The following AGAP1 variants were observed in gnomAD, a reference collection of about 807,000 sequenced individuals.
AGAP1 encodes the protein ArfGAP with GTPase domain, ankyrin repeat and PH domain 1.
In AGAP1, 29 loss-of-function variants were observed where a neutral mutation model predicts 105.3. That is an observed-to-expected ratio of 0.28 (90% CI 0.21 to 0.38). AGAP1 has a LOEUF of 0.38. Ranked by LOEUF, AGAP1 falls within the 10% of genes least tolerant of loss-of-function variation. The probability of loss-of-function intolerance (pLI) is 1.00; values close to 1 mark genes in which losing one functional copy is unlikely to be tolerated. For synonymous variants in AGAP1, 509 were observed against 485.9 expected, an observed-to-expected ratio of 1.05 and a Z score of -0.63; for missense variants, 998 against 1,165.1, an observed-to-expected ratio of 0.86 and a Z score of 2.09.
chr2:235,551,063 C>T lies in AGAP1; in HGVS notation c.163+56214C>T, dbSNP rs554916391. On this transcript the variant is annotated intron_variant, in intron 1 of 17. Coordinates refer to ENST00000304032, the MANE Select transcript of AGAP1 (RefSeq NM_001037131.3). This position sits in a 1 kb window ranked among gnomAD's most constrained non-coding sequence, Gnocchi z 4.8. ...TGCTGGGATTACAGGCGTGAGCCAC[C>T]GCGCTCGGCCATAGATAGTGTTTCT... Among the ~76,000 whole-genome samples the T allele has an allele frequency of 6.5e-4, 99 of 152,262 alleles. No homozygotes were observed. Among genetic ancestry groups the T allele is most frequent in the African/African-American group, 2.2e-3 (90 of 41,552 alleles).
chr2:235,565,173 ACGGC>A (rs1289791569), intron 1 of AGAP1, among the ~76,000 whole-genome samples: 1 of 147,116 alleles, frequency 6.8e-6, no homozygotes, highest in African/African-American at 2.5e-5. Context: ...ACCACCACCC[ACGGC>A]CAGGTGTGAG....
intron 1 of AGAP1, among the ~76,000 whole-genome samples, chr2:235,682,197 T>G (rs551487023): frequency 8.6e-5 from 13 of 151,408 alleles, no homozygotes; most frequent in Non-Finnish European, 1.2e-4. Context: ...ATCAGCACTG[T>G]TTTTTTTGTT....
rs765846747 is a variant in AGAP1, at chr2:235,517,222, A to G, written c.163+22373A>G. On this transcript the variant is annotated intron_variant, in intron 1 of 17. Transcript: ENST00000304032. The surrounding 1 kb of genome is among the most constrained non-coding windows in gnomAD (Gnocchi z 4.1). ...AGGAGGACACCAGTCTTGTTGGATG[A>G]GGGTCCCACCCTTAAGCTGCCATAT... Among the ~76,000 whole-genome samples the G allele has an allele frequency of 5.3e-5, 8 of 152,154 alleles. No individual in the cohort carries two copies. The highest frequency in any genetic ancestry group is 9.7e-5 in the African/African-American group (4 of 41,434).
At chr2:235,944,438 C>G (rs1366585074) in intron 12 of AGAP1, among the ~76,000 whole-genome samples, 1 of 152,224 alleles carries the variant, frequency 6.6e-6, no homozygotes, top group African/African-American at 2.4e-5. Context: ...ACTGGGTAAG[C>G]ATACGACTTA....
intron 8 of AGAP1, among the ~76,000 whole-genome samples, chr2:235,803,608 T>C (rs1957691617): frequency 6.6e-6 from 1 of 152,210 alleles, no homozygotes; most frequent in Admixed American, 6.5e-5. Context: ...AATTAAGTAA[T>C]GCATGTATCA....
At chr2:235,730,489 A>AAC (rs1395224197) in intron 3 of AGAP1, among the ~76,000 whole-genome samples, 2 of 150,848 alleles carry the variant, frequency 1.3e-5, no homozygotes, top group African/African-American at 4.9e-5. Flanking sequence ...AAAAAAAAAA[A>AAC]AAAAAAAAAC....
rs1181700411 is a variant in AGAP1 at position 235,908,500 on chromosome 2, C to T, written c.1156-238C>T. 6.6e-6 allele frequency among the ~76,000 whole-genome samples: 1 copy of T among 152,114 alleles called. No individual in the cohort carries two copies. Among genetic ancestry groups the T allele is most frequent in the Non-Finnish European group, 1.5e-5 (1 of 68,028 alleles). On this transcript the variant is annotated intron_variant, in intron 10 of 17. Coordinates refer to ENST00000304032, the MANE Select transcript of AGAP1 (RefSeq NM_001037131.3). The surrounding 1 kb of genome is among the most constrained non-coding windows in gnomAD (Gnocchi z 4.4). Reference sequence around the variant, plus strand: ...CTTGAAGGAGGCACCTGCTGTGTCTCTCCTTACATCTCTAGGTCCTGGATT... The same window carrying T: ...CTTGAAGGAGGCACCTGCTGTGTCTTTCCTTACATCTCTAGGTCCTGGATT...
At chr2:235,997,724 CTT>C (rs908094134) in intron 13 of AGAP1, among the ~76,000 whole-genome samples, 1 of 150,736 alleles carries the variant, frequency 6.6e-6, no homozygotes, top group Non-Finnish European at 1.5e-5. Context: ...CCAATAAAAA[CTT>C]TTTTTTTTCC....
At chr2:235,933,536 A>ATTTTTTTTTTTTTTTTTTT (rs71036300) in intron 12 of AGAP1, among the ~76,000 whole-genome samples, 1 of 141,986 alleles carries the variant, frequency 7.0e-6, no homozygotes, top group African/African-American at 2.6e-5. Context: ...TTTTCTAAGG[A>ATTTTTTTTTTTTTTTTTTT]TTTTTTTTTT....
In AGAP1 at chr2:235,930,030, T is replaced by C. The variant is rs549633000; in HGVS notation, c.1325-735T>C. On this transcript the variant is annotated intron_variant, in intron 11 of 17. Coordinates refer to ENST00000304032, the MANE Select transcript of AGAP1 (RefSeq NM_001037131.3). This position sits in a 1 kb window ranked among gnomAD's most constrained non-coding sequence, Gnocchi z 7.9. ...CAGCAGGGTATGATTGGCTGAGCTT[T>C]AGAGAAAGGCACTTAATTATGTTTT... 1.3e-3 allele frequency among the ~76,000 whole-genome samples: 194 copies of C among 152,330 alleles called. No homozygotes were observed. Among genetic ancestry groups the C allele is most frequent in the African/African-American group, 4.5e-3 (188 of 41,568 alleles).
intron 1 of AGAP1, among the ~76,000 whole-genome samples, chr2:235,668,173 T>C (rs1481991246): frequency 6.6e-6 from 1 of 152,160 alleles, no homozygotes; most frequent in Non-Finnish European, 1.5e-5. Context: ...AGGTGTATTT[T>C]AAAGTATCCT....
At chr2:235,540,550 G>T (rs539703398) in intron 1 of AGAP1, among the ~76,000 whole-genome samples, 3 of 152,314 alleles carry the variant, frequency 2.0e-5, no homozygotes, top group African/African-American at 7.2e-5. Flanking sequence ...CAAAATAAAT[G>T]ATGATTTTAA....
chr2:236,081,457 AC>A (rs1409565753), intron 16 of AGAP1, among the ~76,000 whole-genome samples: 1 of 152,202 alleles, frequency 6.6e-6, no homozygotes, highest in African/African-American at 2.4e-5. Context: ...TGTGTCCTCC[AC>A]CCGACTGAGA....
At position 235,807,186 on chromosome 2, in the gene AGAP1, C is replaced by T. The variant is rs148864643; in HGVS notation, c.958-53C>T. On this transcript the variant is annotated intron_variant, in intron 8 of 17. Coordinates refer to ENST00000304032, the MANE Select transcript of AGAP1 (RefSeq NM_001037131.3). ...AATTCTGCAAACAGGGGCAGAGCCCCGTCTGTGAACCACAGCCCTTACCCA... is the reference window on the plus strand; with the variant it reads ...AATTCTGCAAACAGGGGCAGAGCCCTGTCTGTGAACCACAGCCCTTACCCA... 5,102 of 1,553,738 alleles carry T rather than the reference C, an allele frequency of 3.3e-3. 11 individuals carry two copies. Among genetic ancestry groups the T allele is most frequent in the Non-Finnish European group, 4.0e-3 (4,605 of 1,141,442 alleles).
Position 236,118,362 on chromosome 2 carries a change from T to C in AGAP1, c.2115-1830T>C, listed in dbSNP as rs563884737. Among the ~76,000 whole-genome samples the C allele has an allele frequency of 9.9e-5, 15 of 151,760 alleles. No individual in the cohort carries two copies. In the South Asian group the frequency reaches 3.1e-3, roughly 32 times the overall value. On this transcript the variant is annotated intron_variant, in intron 16 of 17. Transcript: ENST00000304032. The stretch of plus-strand genomic sequence containing the variant: ...GGTAACTGCAGTCCCTTCTTACATG[T>C]AGGGCTTTTCTTTCTTTTCTTTTTC...
intron 11 of AGAP1, among the ~76,000 whole-genome samples, chr2:235,926,230 C>G (rs1214847612): frequency 1.3e-5 from 2 of 152,228 alleles, no homozygotes; most frequent in African/African-American, 4.8e-5. Flanking sequence ...AAGTATGACA[C>G]TATAATTGGA....
rs918048906 is a variant in AGAP1 at position 235,659,545 on chromosome 2, A to G, written c.164-49634A>G. On this transcript the variant is annotated intron_variant, in intron 1 of 17. Transcript: ENST00000304032. The surrounding 1 kb of genome is among the most constrained non-coding windows in gnomAD (Gnocchi z 5.0). ...TTTTGTGGGTCACTTGCCAGGCGTC[A>G]GTGCCCTGCTCGGGGTCCCTTTGCA... 1.3e-5 allele frequency among the ~76,000 whole-genome samples: 2 copies of G among 152,214 alleles called. No homozygotes were observed. The highest frequency in any genetic ancestry group is 2.9e-5 in the Non-Finnish European group (2 of 68,042).
chr2:235,560,805 C>A (rs1944124211), intron 1 of AGAP1, among the ~76,000 whole-genome samples: 1 of 152,186 alleles, frequency 6.6e-6, no homozygotes, highest in African/African-American at 2.4e-5. Flanking sequence ...TCGTTCTAAA[C>A]CAGTCAGCTG....
intron 16 of AGAP1, among the ~76,000 whole-genome samples, chr2:236,106,409 G>T (rs2059492417): frequency 6.6e-6 from 1 of 152,238 alleles, no homozygotes; most frequent in Non-Finnish European, 1.5e-5. Flanking sequence ...AGCGCACAGG[G>T]CTCAGGACCC....
Sources: allele counts gnomAD v4.1 joint callset (sites outside exome capture counted in the v4.1 genomes callset), GRCh38; gene constraint gnomAD v4.1.1; non-coding constraint Gnocchi (gnomAD v3.1); transcripts MANE v1.5; gene names NCBI Gene and HGNC (gene_info 2026-07-23, HGNC 2026-07-21).